GPI: variants seen among roughly 807,000 people sequenced by gnomAD.
GPI encodes glucose-6-phosphate isomerase.
Under a neutral mutation model 75.8 loss-of-function variants are expected in GPI, and 56 were observed. The ratio of observed to expected loss-of-function variants is 0.74; its 90% CI spans 0.60 to 0.92. GPI has a LOEUF of 0.92. Among genes scored for constraint, GPI ranks in the 40% least tolerant of loss-of-function variants. The probability of loss-of-function intolerance (pLI) is 0.00; values close to 1 mark genes in which losing one functional copy is unlikely to be tolerated. For missense variants in GPI, 638 were observed against 741.0 expected (o/e 0.86, Z 1.61); for synonymous variants, 288 against 285.4 (o/e 1.01, Z -0.09).
At chr19:34,381,582 G>C in intron 9 of GPI, 63 bp downstream of exon 9, 1 of 1,056,218 alleles carries the variant, frequency 9.5e-7, no homozygotes. Context: ...TGGCTGTTGA[G>C]AGGCCCATGA....
rs2075007063 is a variant in GPI, at chr19:34,400,514, A to T, written c.*478A>T. The T allele has an allele frequency of 4.1e-6, 2 of 485,528 alleles. No homozygotes were observed. Among genetic ancestry groups the T allele is most frequent in the Admixed American group, 3.7e-5 (1 of 26,748 alleles). The allele number at this position is 485,528 out of a possible 1,614,324, so 30.1% of individuals were successfully genotyped here. ...TGGGGTGGGGGCACAATCAGTCAGG[A>T]CGGCAACTTGGCCTGTGTCACCAAA... On this transcript the variant is annotated 3_prime_UTR_variant, in exon 18 of 18. Coordinates refer to ENST00000356487, the MANE Select transcript of GPI (RefSeq NM_000175.5).
At chr19:34,363,999 T>A (rs916321993), upstream of GPI, among the ~76,000 whole-genome samples, 12 of 152,120 alleles carry the variant, frequency 7.9e-5, no homozygotes, top group African/African-American at 2.9e-4. Flanking sequence ...ACTTATTTCT[T>A]TTGTTGTCAG....
intron 4 of GPI, among the ~76,000 whole-genome samples, chr19:34,373,934 T>C (rs1265960168): frequency 6.6e-6 from 1 of 152,170 alleles, no homozygotes; most frequent in Non-Finnish European, 1.5e-5. Flanking sequence ...AGGTCTTTTG[T>C]GACCTAATAT....
At chr19:34,367,581 T>G (rs754599994) in intron 3 of GPI, among the ~76,000 whole-genome samples, 11 of 152,158 alleles carry the variant, frequency 7.2e-5, no homozygotes, top group Non-Finnish European at 1.6e-4. Flanking sequence ...GCCCTCCACC[T>G]TAGCAAGCCT....
chr19:34,362,855 C>T (rs1355152193), upstream of GPI, among the ~76,000 whole-genome samples: 1 of 152,166 alleles, frequency 6.6e-6, no homozygotes, highest in East Asian at 1.9e-4. Flanking sequence ...TGGAAAAGGA[C>T]CCTGTTTAGC....
At chr19:34,363,817 TCAAACAAA>T (rs759339126), upstream of GPI, among the ~76,000 whole-genome samples, 1 of 152,076 alleles carries the variant, frequency 6.6e-6, no homozygotes, top group African/African-American at 2.4e-5. Context: ...AGACTCCATC[TCAAACAAA>T]CAAACAAACA....
chr19:34,386,004 A>C (rs2074729180), intron 9 of GPI, among the ~76,000 whole-genome samples: 1 of 151,708 alleles, frequency 6.6e-6, no homozygotes, highest in South Asian at 2.1e-4. Context: ...GTGTGGTTTG[A>C]GGAGCCAGGG....
chr19:34,371,084 G>C (rs1166843444), intron 4 of GPI, among the ~76,000 whole-genome samples: 3 of 152,262 alleles, frequency 2.0e-5, no homozygotes, highest in Non-Finnish European at 4.4e-5. Context: ...TGATCAGTCT[G>C]GGTGTGCTCA....
intron 9 of GPI, among the ~76,000 whole-genome samples, chr19:34,391,052 G>A (rs2145407663): frequency 6.6e-6 from 1 of 152,086 alleles, no homozygotes; most frequent in African/African-American, 2.4e-5. Flanking sequence ...GGTAGCACCT[G>A]GCACAGATAT....
At chr19:34,369,237 C>T (rs1170606008) in intron 4 of GPI, among the ~76,000 whole-genome samples, 1 of 151,832 alleles carries the variant, frequency 6.6e-6, no homozygotes, top group African/African-American at 2.4e-5. Flanking sequence ...TTAGTAGAGA[C>T]GGGATTTCAC....
At chr19:34,364,896 A>C, upstream of GPI, 1 of 1,312,436 alleles carries the variant, frequency 7.6e-7, no homozygotes. Context: ...GTGCACAGGG[A>C]GTGCAGCGGC....
chr19:34,395,513 G>A (rs756205964), intron 12 of GPI, among the ~76,000 whole-genome samples: 2 of 152,196 alleles, frequency 1.3e-5, no homozygotes, highest in Non-Finnish European at 2.9e-5. Context: ...CTGTACTCCA[G>A]CCTGAGTGAC....
At chr19:34,379,428 C>G in intron 7 of GPI, 90 bp from the exon 8 acceptor site, 1 of 1,094,810 alleles carries the variant, frequency 9.1e-7, no homozygotes, top group Non-Finnish European at 1.4e-6. Flanking sequence ...ATCTCAGTCC[C>G]ATGCAGGGCC....
intron 4 of GPI, among the ~76,000 whole-genome samples, 161 bp from the exon 5 acceptor site, chr19:34,377,321 AAAAAAAAAAAAAAAAATATAT>A (rs1454828683): frequency 5.3e-5 from 5 of 94,198 alleles, no homozygotes; most frequent in African/African-American, 2.5e-4. Context: ...AAAAAAAAAA[AAAAAAAAAAAAAAAAATATAT>A]ATATATATAT....
At chr19:34,364,863 G>A (rs983785654), upstream of GPI, 103 of 951,708 alleles carry the variant, frequency 1.1e-4, no homozygotes, top group Non-Finnish European at 1.5e-4. Context: ...GAGTTTTGTC[G>A]AATGAATGAA....
At position 34,393,933 on chromosome 19, in the gene GPI, C is replaced by A; in HGVS notation, c.929C>A (p.Thr310Lys). Reference protein sequence around the residue: ...AHWMDQHFRTTPLEKNAPVLL... With the variant: ...AHWMDQHFRTKPLEKNAPVLL... ...TTTCAGGACCAGCACTTCCGCACGA[C>A]GCCCCTGGAGAAGAACGCCCCCGTC... The change falls in exon 12 of 18, where the codon ACG becomes AAG. Residue 310 changes from threonine to lysine, a missense_variant. Physicochemically the swap from Thr to Lys is moderately conservative, Grantham distance 78. Transcript: ENST00000356487. This position sits in a 1 kb window ranked among gnomAD's most constrained non-coding sequence, Gnocchi z 4.4. 1 of 1,613,756 alleles carries A rather than the reference C, an allele frequency of 6.2e-7. No individual in the cohort carries two copies. The highest frequency in any genetic ancestry group is 1.1e-5 in the South Asian group (1 of 91,076).
At chr19:34,365,776 A>C in intron 1 of GPI, 1 of 476,392 alleles carries the variant, frequency 2.1e-6, no homozygotes. Context: ...TCCTGGCCAC[A>C]TGAGCTTGGG....
At chr19:34,364,763 A>G, upstream of GPI, 1 of 427,088 alleles carries the variant, frequency 2.3e-6, no homozygotes, top group Admixed American at 4.2e-5. Flanking sequence ...ACCAGCAGAC[A>G]CACATCATCT....
intron 9 of GPI, among the ~76,000 whole-genome samples, chr19:34,384,778 C>T (rs530401289): frequency 3.9e-5 from 6 of 152,268 alleles, no homozygotes; most frequent in Non-Finnish European, 8.8e-5. Flanking sequence ...CACAGTGGCT[C>T]ACACCTATAA....
Sources: gnomAD v4.1 joint callset for allele counts (sites outside exome capture counted in the v4.1 genomes callset) on GRCh38, gnomAD v4.1.1 for gene constraint, Gnocchi (gnomAD v3.1) non-coding constraint, MANE v1.5 for transcripts, NCBI Gene and HGNC (gene_info 2026-07-23, HGNC 2026-07-21) for gene names.